Variants in RBFOX3 observed in about 807,000 individuals in gnomAD.
RBFOX3 encodes the protein RNA binding fox-1 homolog 3, also known as RNA binding protein fox-1 homolog 3.
A neutral mutation model predicts 48.7 loss-of-function variants in RBFOX3; 17 were observed. The ratio of observed to expected loss-of-function variants is 0.35; its 90% CI spans 0.24 to 0.52. The LOEUF (loss-of-function observed/expected upper bound fraction) is 0.52, where lower values mean the gene tolerates loss of function less well. Ranked by LOEUF, RBFOX3 falls within the 20% of genes least tolerant of loss-of-function variation. The pLI is 0.94. For synonymous variants in RBFOX3, 212 were observed against 209.5 expected (o/e 1.01, Z -0.10); for missense variants, 382 against 497.5 (o/e 0.77, Z 2.21).
At chr17:79,123,989 A>G (rs2036477390) in intron 4 of RBFOX3, among the ~76,000 whole-genome samples, 1 of 152,172 alleles carries the variant, frequency 6.6e-6, no homozygotes, top group African/African-American at 2.4e-5. Flanking sequence ...AGGTTCTCAC[A>G]TAGACTGCCC....
At chr17:79,340,870 A>C (rs1370525357) in intron 2 of RBFOX3, among the ~76,000 whole-genome samples, 1 of 152,198 alleles carries the variant, frequency 6.6e-6, no homozygotes, top group African/African-American at 2.4e-5. Flanking sequence ...GTGGTACTTG[A>C]ATCAGAAAAA....
At chr17:79,507,953 A>G (rs1555779425) in intron 1 of RBFOX3, among the ~76,000 whole-genome samples, 1 of 152,230 alleles carries the variant, frequency 6.6e-6, no homozygotes, top group Non-Finnish European at 1.5e-5. Context: ...ATCCTTCACC[A>G]GACAGCTTTT....
intron 2 of RBFOX3, among the ~76,000 whole-genome samples, chr17:79,381,259 C>A (rs1191217919): frequency 2.0e-5 from 3 of 146,556 alleles, no homozygotes; most frequent in African/African-American, 2.5e-5. Context: ...GACTCTGTCT[C>A]AAAAAAAAAA....
At chr17:79,273,452 G>A (rs1283601883) in intron 3 of RBFOX3, among the ~76,000 whole-genome samples, 3 of 152,076 alleles carry the variant, frequency 2.0e-5, no homozygotes, top group Non-Finnish European at 4.4e-5. Flanking sequence ...GGTTGTTGGA[G>A]GAGGTGTGCA....
At chr17:79,420,615 G>A (rs1210471802) in intron 2 of RBFOX3, among the ~76,000 whole-genome samples, 2 of 152,222 alleles carry the variant, frequency 1.3e-5, no homozygotes, top group African/African-American at 4.8e-5. Flanking sequence ...AGCAGGCAGG[G>A]CAGGCCTAGG....
At chr17:79,371,347 C>T (rs200811327) in intron 2 of RBFOX3, among the ~76,000 whole-genome samples, 16 of 152,198 alleles carry the variant, frequency 1.1e-4, no homozygotes, top group Non-Finnish European at 2.1e-4. Flanking sequence ...AAGCTTTGCC[C>T]GTGGCCAGAT....
At chr17:79,108,601 A>C (rs946186048) in intron 5 of RBFOX3, among the ~76,000 whole-genome samples, 2 of 152,250 alleles carry the variant, frequency 1.3e-5, no homozygotes, top group Non-Finnish European at 2.9e-5. Flanking sequence ...CTAAGTGGCC[A>C]CAGCTTGGTC....
intron 2 of RBFOX3, among the ~76,000 whole-genome samples, chr17:79,399,219 G>C (rs2062452209): frequency 6.6e-6 from 1 of 151,834 alleles, no homozygotes. Context: ...AAAATCTTGT[G>C]TTTCCAGCCA....
intron 5 of RBFOX3, among the ~76,000 whole-genome samples, chr17:79,112,954 G>A (rs974838310): frequency 1.8e-4 from 27 of 149,196 alleles, no homozygotes; most frequent in Non-Finnish European, 3.7e-4. Flanking sequence ...GGAAGGAAGA[G>A]ACCAGGGTAC....
intron 2 of RBFOX3, among the ~76,000 whole-genome samples, chr17:79,332,314 G>C (rs543325602): frequency 6.6e-6 from 1 of 151,090 alleles, no homozygotes; most frequent in African/African-American, 2.4e-5. Flanking sequence ...ATGCTGCTGA[G>C]CGAAGCAGGG....
At chr17:79,426,439 G>GCGAAGAGACAACA (rs2067394253) in intron 2 of RBFOX3, among the ~76,000 whole-genome samples, 1 of 152,008 alleles carries the variant, frequency 6.6e-6, no homozygotes, top group Non-Finnish European at 1.5e-5. Context: ...AAGAGACAAC[G>GCGAAGAGACAACA]GCAGGCAGGC....
intron 4 of RBFOX3, among the ~76,000 whole-genome samples, chr17:79,158,959 A>C (rs1368541129): frequency 6.6e-6 from 1 of 152,120 alleles, no homozygotes; most frequent in African/African-American, 2.4e-5. Context: ...GCCCCAACCG[A>C]CACTGCTTGA....
intron 2 of RBFOX3, among the ~76,000 whole-genome samples, chr17:79,401,205 G>A (rs773726736): frequency 6.6e-6 from 1 of 152,174 alleles, no homozygotes; most frequent in Non-Finnish European, 1.5e-5. Flanking sequence ...TAAGAACTTC[G>A]GGGCTCCGCG....
intron 1 of RBFOX3, among the ~76,000 whole-genome samples, chr17:79,530,362 C>T (rs2087538667): frequency 1.3e-5 from 2 of 152,214 alleles, no homozygotes; most frequent in African/African-American, 4.8e-5. Context: ...ATCCCCCACG[C>T]ATGGCACCAT....
At chr17:79,236,038 C>G (rs2061592485) in intron 3 of RBFOX3, among the ~76,000 whole-genome samples, 1 of 152,190 alleles carries the variant, frequency 6.6e-6, no homozygotes, top group South Asian at 2.1e-4. Flanking sequence ...CAAAACAGGG[C>G]ACGGTGGACC....
At chr17:79,211,679 C>A (rs2058402407) in intron 4 of RBFOX3, among the ~76,000 whole-genome samples, 1 of 152,168 alleles carries the variant, frequency 6.6e-6, no homozygotes, top group Non-Finnish European at 1.5e-5. Context: ...AGGTCAGAGT[C>A]CCAGGCTCCG....
In RBFOX3 at chr17:79,112,370, T is replaced by C. The variant is rs1599480114; in HGVS notation, c.222+3124A>G. On this transcript the variant is annotated intron_variant, in intron 5 of 14. Transcript: ENST00000693108. ...GTGGTGGAGGTGTCGGGAAAGGCCCTGAGTTGGATGAACACGGACTTCCCA... is the reference window on the plus strand; with the variant it reads ...GTGGTGGAGGTGTCGGGAAAGGCCCCGAGTTGGATGAACACGGACTTCCCA... 2.0e-5 allele frequency among the ~76,000 whole-genome samples: 3 copies of C among 152,086 alleles called. No individual in the cohort carries two copies. In the South Asian group the frequency reaches 6.2e-4, roughly 32 times the overall value.
At chr17:79,558,404 G>A (rs2091936090) in intron 1 of RBFOX3, among the ~76,000 whole-genome samples, 1 of 152,224 alleles carries the variant, frequency 6.6e-6, no homozygotes, top group African/African-American at 2.4e-5. Context: ...ACCGTCCGGA[G>A]GGTCCAGGCG....
chr17:79,192,316 G>A (rs1029342302), intron 4 of RBFOX3, among the ~76,000 whole-genome samples: 2 of 152,168 alleles, frequency 1.3e-5, no homozygotes, highest in African/African-American at 4.8e-5. Flanking sequence ...ATCAGGATGG[G>A]GGGGAGCCGT....
Sources: gnomAD v4.1 joint callset for allele counts (sites outside exome capture counted in the v4.1 genomes callset) on GRCh38, gnomAD v4.1.1 for gene constraint, MANE v1.5 for transcripts, NCBI Gene and HGNC (gene_info 2026-07-23, HGNC 2026-07-21) for gene names.